The following PLA2R1 variants were observed in gnomAD, a reference collection of about 807,000 sequenced individuals.
PLA2R1 encodes the protein phospholipase A2 receptor 1, also known as secretory phospholipase A2 receptor.
Under a neutral mutation model 195.9 loss-of-function variants are expected in PLA2R1, and 158 were observed. The observed-to-expected ratio is 0.81, with a 90% CI of 0.71 to 0.92. PLA2R1 has a LOEUF of 0.92. PLA2R1 is among the 40% of genes least tolerant of loss of function. The pLI is 0.00. For missense variants in PLA2R1, 1,626 were observed against 1,764.6 expected (o/e 0.92, Z 1.41); for synonymous variants, 586 against 598.2 (o/e 0.98, Z 0.30).
intron 6 of PLA2R1, among the ~76,000 whole-genome samples, chr2:160,023,530 C>T (rs531481786): frequency 3.9e-5 from 6 of 152,302 alleles, no homozygotes; most frequent in East Asian, 1.9e-4. Context: ...AAATTGTATA[C>T]CCCGTTCCCA....
rs998799621 is a variant in PLA2R1 at position 159,940,901 on chromosome 2, T to C, written c.*877A>G. The C allele has an allele frequency of 6.6e-6, 1 of 152,202 alleles. No homozygotes were observed. The highest frequency in any genetic ancestry group is 1.5e-5 in the Non-Finnish European group (1 of 68,026). 9.4% of individuals were successfully genotyped at this position (152,202 alleles called of 1,614,324 possible). On this transcript the variant is annotated 3_prime_UTR_variant, in exon 30 of 30. Coordinates refer to ENST00000283243, the MANE Select transcript of PLA2R1 (RefSeq NM_007366.5). ...TAGCTCTTCTCCTTTAAATCCAAGT[T>C]ACATTTTATATCTTCCAGTTATTAA...
rs530029718 is a variant in PLA2R1, at chr2:159,982,154, A to T, written c.2183+1774T>A. 2.0e-5 allele frequency among the ~76,000 whole-genome samples: 3 copies of T among 152,366 alleles called. No individual in the cohort carries two copies. The East Asian group carries it at 5.8e-4, about 29-fold the overall frequency. On this transcript the variant is annotated intron_variant, in intron 13 of 29. Coordinates refer to ENST00000283243, the MANE Select transcript of PLA2R1 (RefSeq NM_007366.5). ...GCAAACCTCACTAAAATGCAAGGAC[A>T]GAATATGCAAATATGTTTTAAAGGA...
chr2:160,021,303 A>G (rs1388300424), intron 7 of PLA2R1, among the ~76,000 whole-genome samples: 2 of 152,210 alleles, frequency 1.3e-5, no homozygotes, highest in South Asian at 4.1e-4. Flanking sequence ...AAAAATCATT[A>G]TATCAAAAAG....
At chr2:159,971,265 A>C (rs1689155812) in intron 17 of PLA2R1, among the ~76,000 whole-genome samples, 1 of 152,186 alleles carries the variant, frequency 6.6e-6, no homozygotes, top group African/African-American at 2.4e-5. Flanking sequence ...AAAACCACTT[A>C]ATCTAAGATT....
At chr2:159,925,453 T>C in the PLA2R1 span, among the ~76,000 whole-genome samples, 1 of 152,104 alleles carries the variant, frequency 6.6e-6, no homozygotes, top group Non-Finnish European at 1.5e-5. Context: ...TGTTGACACT[T>C]TCCTGCAGGT....
chr2:160,020,706 C>G (rs528694372), intron 7 of PLA2R1, among the ~76,000 whole-genome samples: 4 of 152,290 alleles, frequency 2.6e-5, no homozygotes, highest in Non-Finnish European at 5.9e-5. Flanking sequence ...AGAGAATCCC[C>G]ACCAGCAAGG....
At chr2:160,032,470 T>A (rs185492697) in intron 4 of PLA2R1, among the ~76,000 whole-genome samples, 14 of 152,368 alleles carry the variant, frequency 9.2e-5, no homozygotes, top group Admixed American at 9.1e-4. Context: ...TTGTCTATAC[T>A]GTTAGTTAAC....
intron 21 of PLA2R1, 65 bp from the exon 22 acceptor site, chr2:159,955,893 C>T: frequency 2.3e-6 from 2 of 860,566 alleles, no homozygotes; most frequent in Non-Finnish European, 3.6e-6. Context: ...TCACTGCATC[C>T]TATTTATAGC....
chr2:159,953,632 T>G (rs1687901631), intron 23 of PLA2R1, among the ~76,000 whole-genome samples: 1 of 152,216 alleles, frequency 6.6e-6, no homozygotes, highest in African/African-American at 2.4e-5. Flanking sequence ...GGAACCCATG[T>G]GTGGTAGGCA....
chr2:160,005,169 A>G (rs1194756266), intron 11 of PLA2R1, among the ~76,000 whole-genome samples: 1 of 152,168 alleles, frequency 6.6e-6, no homozygotes, highest in Non-Finnish European at 1.5e-5. Flanking sequence ...AAAAATGACC[A>G]TTGGGCCAGG....
At chr2:160,059,720 T>C (rs1449945507) in intron 1 of PLA2R1, among the ~76,000 whole-genome samples, 1 of 152,160 alleles carries the variant, frequency 6.6e-6, no homozygotes, top group East Asian at 1.9e-4. Context: ...GGACTCACAG[T>C]TCAACATGGC....
chr2:159,985,351 C>T (rs528082751), intron 12 of PLA2R1, among the ~76,000 whole-genome samples: 1 of 152,346 alleles, frequency 6.6e-6, no homozygotes, highest in East Asian at 1.9e-4. Context: ...AGTCTGTCTT[C>T]ATTCTGCTCT....
intron 13 of PLA2R1, among the ~76,000 whole-genome samples, chr2:159,981,584 T>C (rs548988332): frequency 2.0e-5 from 3 of 152,214 alleles, no homozygotes; most frequent in Admixed American, 6.5e-5. Flanking sequence ...TTTTTTGTAC[T>C]TTTTGGTAGA....
intron 3 of PLA2R1, among the ~76,000 whole-genome samples, chr2:160,037,917 G>A (rs1023808047): frequency 6.6e-6 from 1 of 152,200 alleles, no homozygotes; most frequent in Admixed American, 6.5e-5. Flanking sequence ...ACTTGAATGT[G>A]AATTTCATCA....
chr2:159,940,898 A>C lies in PLA2R1; in HGVS notation c.*880T>G, dbSNP rs1306238495. 6.6e-6 allele frequency: 1 copy of C among 152,170 alleles called. No homozygotes were observed. The highest frequency in any genetic ancestry group is 2.4e-5 in the African/African-American group (1 of 41,440). The allele number at this position is 152,170 out of a possible 1,614,324, so 9.4% of individuals were successfully genotyped here. Reference sequence around the variant, plus strand: ...CTTTAGCTCTTCTCCTTTAAATCCAAGTTACATTTTATATCTTCCAGTTAT... The same window carrying C: ...CTTTAGCTCTTCTCCTTTAAATCCACGTTACATTTTATATCTTCCAGTTAT... On this transcript the variant is annotated 3_prime_UTR_variant, in exon 30 of 30. Coordinates refer to ENST00000283243, the MANE Select transcript of PLA2R1 (RefSeq NM_007366.5).
chr2:160,052,332 T>G (rs1195643191), intron 1 of PLA2R1, among the ~76,000 whole-genome samples: 1 of 152,224 alleles, frequency 6.6e-6, no homozygotes, highest in Non-Finnish European at 1.5e-5. Context: ...TGCCACTCCC[T>G]GGCCATTCCC....
rs758511536 is a variant in PLA2R1 at position 159,941,563 on chromosome 2, CCT to C, written c.*213_*214del. 5 of 389,484 alleles carry C rather than the reference CCT, an allele frequency of 1.3e-5. No individual in the cohort carries two copies. Among genetic ancestry groups the C allele is most frequent in the African/African-American group, 2.1e-5 (1 of 48,678 alleles). The allele number at this position is 389,484 out of a possible 1,614,324, so 24.1% of individuals were successfully genotyped here. ...AAAAATAACCAATGCATAATTTACC[CCT>C]TTTAAGAATGGATCACAGTTTAGGG... On this transcript the variant is annotated 3_prime_UTR_variant, in exon 30 of 30. Transcript: ENST00000283243.
chr2:160,046,386 G>T (rs1057319028), intron 1 of PLA2R1, among the ~76,000 whole-genome samples: 7 of 152,186 alleles, frequency 4.6e-5, no homozygotes, highest in African/African-American at 1.4e-4. Flanking sequence ...AATGTCTGGG[G>T]TTTAGGGCGG....
intron 1 of PLA2R1, among the ~76,000 whole-genome samples, chr2:160,055,943 C>A (rs1249396119): frequency 1.3e-5 from 2 of 152,194 alleles, no homozygotes; most frequent in Non-Finnish European, 2.9e-5. Flanking sequence ...TCATCGCCCT[C>A]TTTCAGAAGG....
Sources: gnomAD v4.1 joint callset for allele counts (sites outside exome capture counted in the v4.1 genomes callset) on GRCh38, gnomAD v4.1.1 for gene constraint, MANE v1.5 for transcripts, NCBI Gene and HGNC (gene_info 2026-07-23, HGNC 2026-07-21) for gene names.